KCNAB1: variants seen among roughly 807,000 people sequenced by gnomAD.
KCNAB1 encodes the protein potassium voltage-gated channel subfamily A regulatory beta subunit 1.
In KCNAB1, 35 loss-of-function variants were observed where a neutral mutation model predicts 64.6. The ratio of observed to expected loss-of-function variants is 0.54; its 90% CI spans 0.41 to 0.72. The LOEUF (loss-of-function observed/expected upper bound fraction) is 0.72. Among genes scored for constraint, KCNAB1 ranks in the 30% least tolerant of loss-of-function variants. The pLI is 0.00. For synonymous variants in KCNAB1, 177 were observed against 183.8 expected (o/e 0.96, Z 0.30); for missense variants, 401 against 512.9 (o/e 0.78, Z 2.11).
At chr3:156,330,268 G>T (rs1165377829) in intron 1 of KCNAB1, among the ~76,000 whole-genome samples, 1 of 152,030 alleles carries the variant, frequency 6.6e-6, no homozygotes, top group African/African-American at 2.4e-5. Context: ...CTTAGCCTAG[G>T]AATCAGCATT....
chr3:156,422,791 G>A (rs1715551051), intron 2 of KCNAB1, among the ~76,000 whole-genome samples: 1 of 152,140 alleles, frequency 6.6e-6, no homozygotes. Context: ...GAAAACAGAG[G>A]CACATGGTCT....
intron 8 of KCNAB1, among the ~76,000 whole-genome samples, chr3:156,478,662 C>A (rs1714557962): frequency 6.6e-6 from 1 of 152,106 alleles, no homozygotes; most frequent in African/African-American, 2.4e-5. Context: ...TATTAAAATG[C>A]CAATTGTATT....
intron 1 of KCNAB1, among the ~76,000 whole-genome samples, chr3:156,284,323 T>C (rs1237667962): frequency 2.6e-5 from 4 of 152,202 alleles, no homozygotes; most frequent in Admixed American, 2.6e-4. Context: ...AGTCTGCCCG[T>C]TCTCAGATCT....
chr3:156,230,172 A>G (rs948140511), intron 1 of KCNAB1, among the ~76,000 whole-genome samples: 2 of 152,190 alleles, frequency 1.3e-5, no homozygotes, highest in African/African-American at 4.8e-5. Flanking sequence ...TCATTTATCT[A>G]TTCATTTAAC....
chr3:156,405,170 A>G (rs1164273740), intron 1 of KCNAB1, among the ~76,000 whole-genome samples: 3 of 152,212 alleles, frequency 2.0e-5, no homozygotes, highest in East Asian at 1.9e-4. Flanking sequence ...GCTCCTGCTG[A>G]GCCATGCAAT....
intron 8 of KCNAB1, among the ~76,000 whole-genome samples, chr3:156,481,877 C>T (rs1714835959): frequency 6.6e-6 from 1 of 152,128 alleles, no homozygotes; most frequent in African/African-American, 2.4e-5. Context: ...GTGGTTACAG[C>T]ACCTCACTCA....
chr3:156,274,901 CA>C (rs1289788665), intron 1 of KCNAB1, among the ~76,000 whole-genome samples: 2 of 152,198 alleles, frequency 1.3e-5, no homozygotes, highest in African/African-American at 4.8e-5. Flanking sequence ...AATTTCTTAG[CA>C]AATTTCAAGT....
chr3:156,129,652 T>C (rs932628557), intron 1 of KCNAB1, among the ~76,000 whole-genome samples: 2 of 152,082 alleles, frequency 1.3e-5, no homozygotes, highest in African/African-American at 4.8e-5. Context: ...TGAGATAATA[T>C]CCATAAAAGT....
intron 1 of KCNAB1, among the ~76,000 whole-genome samples, chr3:156,342,401 A>G (rs1451662791): frequency 1.3e-5 from 2 of 152,062 alleles, no homozygotes; most frequent in African/African-American, 4.8e-5. Context: ...ACAAATCTCA[A>G]TGCCTAGCCA....
intron 1 of KCNAB1, among the ~76,000 whole-genome samples, chr3:156,332,402 T>C (rs1723399821): frequency 6.6e-6 from 1 of 152,176 alleles, no homozygotes; most frequent in African/African-American, 2.4e-5. Context: ...ACTCTAGTCC[T>C]TTAACCCTCT....
At chr3:156,205,636 C>G (rs1014296131) in intron 1 of KCNAB1, among the ~76,000 whole-genome samples, 5 of 152,154 alleles carry the variant, frequency 3.3e-5, no homozygotes, top group African/African-American at 9.7e-5. Context: ...CTAGCTCTCT[C>G]CCTAAACTAC....
At chr3:156,465,972 A>G (rs1713339735) in intron 7 of KCNAB1, among the ~76,000 whole-genome samples, 1 of 152,214 alleles carries the variant, frequency 6.6e-6, no homozygotes, top group Non-Finnish European at 1.5e-5. Context: ...AGCTTTATTG[A>G]GATATAATGT....
chr3:156,269,838 C>T (rs1718921326), intron 1 of KCNAB1, among the ~76,000 whole-genome samples: 1 of 150,780 alleles, frequency 6.6e-6, no homozygotes, highest in Non-Finnish European at 1.5e-5. Context: ...TTTTTCCATC[C>T]TTTATTATTT....
intron 1 of KCNAB1, among the ~76,000 whole-genome samples, chr3:156,314,651 A>G (rs1722155960): frequency 6.6e-6 from 1 of 152,252 alleles, no homozygotes; most frequent in Non-Finnish European, 1.5e-5. Context: ...AGCTGGTCAT[A>G]AGTTAAAGAC....
chr3:156,132,845 T>A (rs1047853689), intron 1 of KCNAB1, among the ~76,000 whole-genome samples: 11 of 152,216 alleles, frequency 7.2e-5, no homozygotes, highest in Non-Finnish European at 5.9e-5. Flanking sequence ...TGGTTTTGAA[T>A]GTAATGTTGT....
intron 1 of KCNAB1, among the ~76,000 whole-genome samples, chr3:156,352,589 C>T (rs570650095): frequency 6.6e-6 from 1 of 152,328 alleles, no homozygotes; most frequent in African/African-American, 2.4e-5. Context: ...GAACCTTACT[C>T]GGCCCTGGAC....
intron 1 of KCNAB1, among the ~76,000 whole-genome samples, chr3:156,376,184 C>T (rs899510675): frequency 2.6e-5 from 4 of 152,126 alleles, no homozygotes; most frequent in African/African-American, 7.2e-5. Context: ...TATGCCAGCT[C>T]GATGTCCCCA....
intron 2 of KCNAB1, among the ~76,000 whole-genome samples, chr3:156,432,098 A>G (rs1301858673): frequency 6.6e-6 from 1 of 152,208 alleles, no homozygotes; most frequent in African/African-American, 2.4e-5. Context: ...TGAGGTAATA[A>G]GCAGATGACC....
At chr3:156,292,086 C>A in intron 1 of KCNAB1, 2 of 1,614,096 alleles carry the variant, frequency 1.2e-6, no homozygotes, top group Non-Finnish European at 1.7e-6. Flanking sequence ...CATCACATTT[C>A]TCTCAAAGAG....
Sources: allele counts gnomAD v4.1 joint callset (sites outside exome capture counted in the v4.1 genomes callset), GRCh38; gene constraint gnomAD v4.1.1; transcripts MANE v1.5; gene names NCBI Gene and HGNC (gene_info 2026-07-23, HGNC 2026-07-21).